ARHGEF26: variants seen among roughly 807,000 people sequenced by gnomAD.
The protein encoded by ARHGEF26 is Rho guanine nucleotide exchange factor 26, also known as Rho guanine nucleotide exchange factor (GEF) 26.
Under a neutral mutation model 89.4 loss-of-function variants are expected in ARHGEF26, and 59 were observed. The observed-to-expected ratio is 0.66, with a 90% CI of 0.54 to 0.82. The LOEUF (loss-of-function observed/expected upper bound fraction) is 0.82, where lower values mean the gene tolerates loss of function less well. ARHGEF26 is among the 40% of genes least tolerant of loss of function. The probability of loss-of-function intolerance (pLI) is 0.00; values close to 1 mark genes in which losing one functional copy is unlikely to be tolerated. For synonymous variants in ARHGEF26, 500 were observed against 428.4 expected, an observed-to-expected ratio of 1.17 and a Z score of -2.06; for missense variants, 1,234 against 1,085.6, an observed-to-expected ratio of 1.14 and a Z score of -1.92.
intron 9 of ARHGEF26, among the ~76,000 whole-genome samples, chr3:154,203,384 G>C (rs1363350319): frequency 3.3e-5 from 5 of 152,110 alleles, no homozygotes; most frequent in Non-Finnish European, 5.9e-5. Context: ...TTGATGTGCT[G>C]CTGGATTCGG....
At chr3:154,154,655 CTTT>C (rs1256356629) in intron 6 of ARHGEF26, among the ~76,000 whole-genome samples, 27 of 151,894 alleles carry the variant, frequency 1.8e-4, no homozygotes, top group Admixed American at 8.5e-4. Flanking sequence ...ATTCCCCTCA[CTTT>C]CTTAGATAAA....
At chr3:154,126,075 A>G (rs2108039294) in intron 3 of ARHGEF26, among the ~76,000 whole-genome samples, 1 of 152,310 alleles carries the variant, frequency 6.6e-6, no homozygotes, top group East Asian at 1.9e-4. Context: ...AATGTTATGC[A>G]TATATACTTT....
chr3:154,198,245 G>A (rs982000964), intron 9 of ARHGEF26, among the ~76,000 whole-genome samples: 10 of 152,168 alleles, frequency 6.6e-5, no homozygotes, highest in African/African-American at 2.4e-4. Context: ...TGGCATGGAT[G>A]TGGTGAAAAG....
At chr3:154,228,042 GGT>G (rs1366432570) in intron 11 of ARHGEF26, among the ~76,000 whole-genome samples, 3 of 152,040 alleles carry the variant, frequency 2.0e-5, no homozygotes, top group African/African-American at 7.3e-5. Context: ...CTTCACAGAT[GGT>G]GTTGCTCTCC....
intron 11 of ARHGEF26, among the ~76,000 whole-genome samples, chr3:154,227,880 T>C (rs982108421): frequency 1.3e-5 from 2 of 152,248 alleles, no homozygotes; most frequent in Non-Finnish European, 2.9e-5. Context: ...TCGATTATGA[T>C]GACTTTGGTG....
At chr3:154,233,477 A>G (rs554361594) in intron 11 of ARHGEF26, among the ~76,000 whole-genome samples, 1 of 152,344 alleles carries the variant, frequency 6.6e-6, no homozygotes, top group Non-Finnish European at 1.5e-5. Flanking sequence ...TTTTTCTCAT[A>G]CATATATTGG....
chr3:154,191,723 A>G (rs979647803), intron 8 of ARHGEF26, among the ~76,000 whole-genome samples: 6 of 152,166 alleles, frequency 3.9e-5, no homozygotes, highest in African/African-American at 1.2e-4. Flanking sequence ...TTCCAATTCT[A>G]GCTAAGCCAT....
intron 6 of ARHGEF26, among the ~76,000 whole-genome samples, chr3:154,181,942 A>G (rs1489529710): frequency 6.6e-6 from 1 of 152,116 alleles, no homozygotes; most frequent in African/African-American, 2.4e-5. Context: ...ATTTAAAACA[A>G]TAAATTTCAT....
chr3:154,233,146 T>TA (rs1278582895), intron 11 of ARHGEF26, among the ~76,000 whole-genome samples: 1 of 152,136 alleles, frequency 6.6e-6, no homozygotes, highest in African/African-American at 2.4e-5. Context: ...TTGGGTTTCT[T>TA]ACCAGACATT....
chr3:154,203,009 G>T (rs1187712704), intron 9 of ARHGEF26, among the ~76,000 whole-genome samples: 1 of 152,060 alleles, frequency 6.6e-6, no homozygotes, highest in Non-Finnish European at 1.5e-5. Flanking sequence ...CTGCCTGATT[G>T]CCCTGGTCAG....
intron 9 of ARHGEF26, among the ~76,000 whole-genome samples, chr3:154,215,149 C>CA (rs1715640824): frequency 6.6e-6 from 1 of 152,184 alleles, no homozygotes; most frequent in Non-Finnish European, 1.5e-5. Flanking sequence ...TGGCCTATCT[C>CA]TTTTGGCTTC....
At chr3:154,162,288 G>C (rs1711711589) in intron 6 of ARHGEF26, among the ~76,000 whole-genome samples, 1 of 152,196 alleles carries the variant, frequency 6.6e-6, no homozygotes, top group Non-Finnish European at 1.5e-5. Context: ...CCAAGTTAAA[G>C]CTAGCACTTG....
chr3:154,153,112 G>T (rs1474952576), intron 6 of ARHGEF26, among the ~76,000 whole-genome samples, 180 bp downstream of exon 6: 1 of 152,174 alleles, frequency 6.6e-6, no homozygotes, highest in Non-Finnish European at 1.5e-5. Flanking sequence ...GATGCTCAGT[G>T]TGTAATGAGT....
chr3:154,201,604 G>C (rs1714642421), intron 9 of ARHGEF26, among the ~76,000 whole-genome samples: 1 of 151,912 alleles, frequency 6.6e-6, no homozygotes, highest in Non-Finnish European at 1.5e-5. Context: ...GGTTGAACTA[G>C]TTTACAGTCC....
intron 9 of ARHGEF26, among the ~76,000 whole-genome samples, chr3:154,198,337 A>G (rs990635229): frequency 2.2e-4 from 34 of 152,204 alleles, no homozygotes; most frequent in African/African-American, 8.2e-4. Context: ...TAAAGAACTA[A>G]AAGTAGAGCT....
intron 6 of ARHGEF26, among the ~76,000 whole-genome samples, chr3:154,177,922 G>T (rs1389510782): frequency 6.6e-6 from 1 of 152,102 alleles, no homozygotes; most frequent in East Asian, 1.9e-4. Context: ...GGCTTTATTG[G>T]CCAGGTACAG....
intron 4 of ARHGEF26, among the ~76,000 whole-genome samples, chr3:154,140,085 G>A (rs748436995): frequency 7.2e-5 from 9 of 124,344 alleles, no homozygotes; most frequent in Admixed American, 2.7e-4. Context: ...GGGCAACAGG[G>A]AGCCCTTATA....
At chr3:154,194,532 A>C in intron 8 of ARHGEF26, 112 bp from the exon 9 acceptor site, 2 of 728,362 alleles carry the variant, frequency 2.7e-6, no homozygotes, top group South Asian at 3.5e-5. Flanking sequence ...ACTCATCCGT[A>C]ATATCGTGTT....
intron 6 of ARHGEF26, among the ~76,000 whole-genome samples, chr3:154,171,092 G>C (rs896265570): frequency 6.6e-6 from 1 of 152,118 alleles, no homozygotes; most frequent in East Asian, 1.9e-4. Flanking sequence ...TTGTGTTTTT[G>C]CTCAGTGAAA....
Sources: gnomAD v4.1 joint callset for allele counts (sites outside exome capture counted in the v4.1 genomes callset) on GRCh38, gnomAD v4.1.1 for gene constraint, MANE v1.5 for transcripts, NCBI Gene and HGNC (gene_info 2026-07-23, HGNC 2026-07-21) for gene names.